IMPDH1: variants seen among roughly 807,000 people sequenced by gnomAD.
IMPDH1 encodes the protein inosine monophosphate dehydrogenase 1, also known as inosine-5'-monophosphate dehydrogenase 1.
In IMPDH1, 41 loss-of-function variants were observed where a neutral mutation model predicts 73.5. That is an observed-to-expected ratio of 0.56 (90% CI 0.43 to 0.72). IMPDH1 has a LOEUF of 0.72. Ranked by LOEUF, IMPDH1 falls within the 30% of genes least tolerant of loss-of-function variation. The probability of loss-of-function intolerance (pLI) is 0.00; values close to 1 mark genes in which losing one functional copy is unlikely to be tolerated. For missense variants in IMPDH1, 645 were observed against 824.8 expected (o/e 0.78, Z 2.67); for synonymous variants, 318 against 334.3 (o/e 0.95, Z 0.53).
rs749066302 is a variant in IMPDH1, at chr7:128,397,430, A to G, written c.1075-408T>C. Among the ~76,000 whole-genome samples, 156 of 152,168 alleles carry G rather than the reference A, an allele frequency of 1.0e-3. 3 individuals carry two copies. The highest frequency in any genetic ancestry group is 2.9e-4 in the Non-Finnish European group (20 of 68,020). The stretch of plus-strand genomic sequence containing the variant: ...ACTGTTCCTCAATGGACTGATATAC[A>G]TTAAGGTCTTGACGCAGTGCCTGGC... On this transcript the variant is annotated intron_variant, in intron 10 of 16. Coordinates refer to ENST00000338791, the MANE Select transcript of IMPDH1 (RefSeq NM_000883.4).
chr7:128,405,800 T>C lies in IMPDH1; in HGVS notation c.320A>G (p.Gln107Arg). The stretch of plus-strand genomic sequence containing the variant: ...GAGGCCGTCGGCGCTGGCGAAGAGC[T>C]GCTGCGCGGTGAGCCCATCCTCGGG... Reference protein sequence around the residue: ...YVPEDGLTAQQLFASADGLTY... With the variant: ...YVPEDGLTAQRLFASADGLTY... The change falls in exon 4 of 17, where the codon CAG becomes CGG. Residue 107 changes from glutamine to arginine, a missense_variant. Physicochemically the swap from Gln to Arg is conservative, Grantham distance 43. Around this residue, in one of 2 missense-constraint regions of IMPDH1, gnomAD observed 186 missense variants for 186.6 expected, o/e 1.00. Transcript: ENST00000338791. The C allele has an allele frequency of 6.5e-7, 1 of 1,542,700 alleles. No homozygotes were observed. Among genetic ancestry groups the C allele is most frequent in the Admixed American group, 2.0e-5 (1 of 50,854 alleles).
rs1799022974 is a variant in IMPDH1, at chr7:128,409,803, C to T, written c.99G>A (p.Ala33=). The T allele has an allele frequency of 6.7e-7, 1 of 1,501,656 alleles. No individual in the cohort carries two copies. Among genetic ancestry groups the T allele is most frequent in the Non-Finnish European group, 8.8e-7 (1 of 1,132,936 alleles). 93.0% of individuals were successfully genotyped at this position (1,501,656 alleles called of 1,614,324 possible). ...GCAGCAGTCGGGCGCTGTACCGCTG[C>T]GCCGCCGTCTCGTGTCCCGGGTGTT... is the stretch of plus-strand genomic sequence containing the variant. ...ARQHPGHETA[A]QRYSARLLQA... is the part of the protein sequence containing the mutation. Residue 33 remains alanine (A), a synonymous_variant, in exon 1 of 17, where the codon GCG becomes GCA. Coordinates refer to ENST00000338791, the MANE Select transcript of IMPDH1 (RefSeq NM_000883.4).
intron 3 of IMPDH1, among the ~76,000 whole-genome samples, chr7:128,406,876 C>G (rs1798813093): frequency 6.6e-6 from 1 of 152,138 alleles, no homozygotes; most frequent in Non-Finnish European, 1.5e-5. Context: ...AGTGTGCATA[C>G]AAATAAGAAC....
Position 128,395,381 on chromosome 7 carries a change from A to T in IMPDH1, c.1262-107T>A. 3 of 1,323,002 alleles carry T rather than the reference A, an allele frequency of 2.3e-6. No homozygotes were observed. The Admixed American group carries it at 5.2e-5, about 23-fold the overall frequency. The allele number at this position is 1,323,002 out of a possible 1,614,324, so 82.0% of individuals were successfully genotyped here. On this transcript the variant is annotated intron_variant, in intron 12 of 16. Coordinates refer to ENST00000338791, the MANE Select transcript of IMPDH1 (RefSeq NM_000883.4). ...TCCTGTGCACTACCTCTACTCAGGA[A>T]AAGGGACAGGGCTGGATGGTGTGTC...
chr7:128,398,402 C>T lies in IMPDH1; in HGVS notation c.1074+12G>A, dbSNP rs972741393. 9.3e-6 allele frequency: 15 copies of T among 1,607,930 alleles called. No homozygotes were observed. Among genetic ancestry groups the T allele is most frequent in the Admixed American group, 1.7e-5 (1 of 59,966 alleles). ...TCATCCATCTCCCCCACCACTCAGG[C>T]GGGGGCCTTACCAAGACTATGACGT... On this transcript the variant is annotated intron_variant, in intron 10 of 16. Coordinates refer to ENST00000338791, the MANE Select transcript of IMPDH1 (RefSeq NM_000883.4). The surrounding 1 kb of genome is among the most constrained non-coding windows in gnomAD (Gnocchi z 4.3).
At chr7:128,408,127 G>T (rs1005270176) in intron 3 of IMPDH1, among the ~76,000 whole-genome samples, 2 of 152,176 alleles carry the variant, frequency 1.3e-5, no homozygotes, top group African/African-American at 4.8e-5. Flanking sequence ...CGAAGCCGAG[G>T]AAGGGCTGTT....
Position 128,394,467 on chromosome 7 carries a change from C to T in IMPDH1, c.1683G>A (p.Leu561=). Residue 561 remains leucine (L), a synonymous_variant, in exon 15 of 17, where the codon CTG becomes CTA. Coordinates refer to ENST00000338791, the MANE Select transcript of IMPDH1 (RefSeq NM_000883.4). This position sits in a 1 kb window ranked among gnomAD's most constrained non-coding sequence, Gnocchi z 5.5. ...GTCTCAGCACTCACCGAAGGACAGA[C>T]AGGCTGCGGGCCCCGATATCCTGGC... The part of the protein sequence containing the change: ...HGCQDIGARS[L]SVLRSMMYSG... 6.2e-7 allele frequency: 1 copy of T among 1,614,144 alleles called. No individual in the cohort carries two copies. The highest frequency in any genetic ancestry group is 8.5e-7 in the Non-Finnish European group (1 of 1,180,026).
At chr7:128,397,984 G>A (rs1798046955) in intron 10 of IMPDH1, among the ~76,000 whole-genome samples, 1 of 152,136 alleles carries the variant, frequency 6.6e-6, no homozygotes, top group Non-Finnish European at 1.5e-5. Flanking sequence ...AGGGCATGCA[G>A]TATTTGGTTT....
At position 128,396,664 on chromosome 7, in the gene IMPDH1, A is replaced by G. The variant is rs1181171372; in HGVS notation, c.1197T>C (p.Ile399=). ...VVTAAQAKNL[I]DAGVDGLRVG... ...CGCGCAGCCCGTCCACACCAGCATC[A>G]ATCAGGTTCTTGGCCTGGGCTGCTG... Residue 399 remains isoleucine (I), a synonymous_variant, in exon 12 of 17, where the codon ATT becomes ATC. Coordinates refer to ENST00000338791, the MANE Select transcript of IMPDH1 (RefSeq NM_000883.4). This position sits in a 1 kb window ranked among gnomAD's most constrained non-coding sequence, Gnocchi z 4.0. The G allele has an allele frequency of 6.4e-7, 1 of 1,555,376 alleles. No homozygotes were observed. The highest frequency in any genetic ancestry group is 2.4e-5 in the East Asian group (1 of 41,426).
At position 128,399,419 on chromosome 7, in the gene IMPDH1, G is replaced by A. The variant is rs184270064; in HGVS notation, c.874+676C>T. On this transcript the variant is annotated intron_variant, in intron 9 of 16. Transcript: ENST00000338791. ...TGGCAGGGCATGGTGGTTCACGCCT[G>A]TAATTCCAGCACTTTGGGAGGCCCA... Among the ~76,000 whole-genome samples, 236 of 146,982 alleles carry A rather than the reference G, an allele frequency of 1.6e-3. 2 individuals carry two copies. The highest frequency in any genetic ancestry group is 0.01 in the Admixed American group (147 of 14,488).
Position 128,392,779 on chromosome 7 carries a change from C to T in IMPDH1, c.*228G>A, listed in dbSNP as rs72624976. On this transcript the variant is annotated 3_prime_UTR_variant, in exon 17 of 17. Transcript: ENST00000338791. ...GCCTGAGAGCCTGGCTGGCTGGGCT[C>T]GGAGGGGGGCTCCCAGGGCAGCCTG... is the stretch of plus-strand genomic sequence containing the variant. 0.026 allele frequency: 14,509 copies of T among 554,958 alleles called. 293 individuals are homozygous for T. The highest frequency in any genetic ancestry group is 0.038 in the Non-Finnish European group (11,665 of 309,526). The allele number at this position is 554,958 out of a possible 1,614,324, so 34.4% of individuals were successfully genotyped here. A position where few individuals can be genotyped will look rare whatever the true frequency, so the allele number is the denominator to read the frequency against.
Position 128,394,715 on chromosome 7 carries a change from T to C in IMPDH1, c.1551-116A>G. ...GAAGGTCCCCCAGGCCACCCCTCAC[T>C]GGGCTGAGTCAGATGGCCCAGGGAC... On this transcript the variant is annotated intron_variant, in intron 14 of 16. Transcript: ENST00000338791. This position sits in a 1 kb window ranked among gnomAD's most constrained non-coding sequence, Gnocchi z 5.5. The C allele has an allele frequency of 1.4e-6, 2 of 1,441,712 alleles. No homozygotes were observed. The highest frequency in any genetic ancestry group is 1.9e-6 in the Non-Finnish European group (2 of 1,041,958). 89.3% of individuals were successfully genotyped at this position (1,441,712 alleles called of 1,614,324 possible).
rs147491964 is a variant in IMPDH1, at chr7:128,397,003, G to C, written c.1094C>G (p.Ser365Trp). ...ATGCACCATGGCGATCTGATACACC[G>C]AATTCCCTTGGGACGAGTCCTGTGA... Reference protein sequence around the residue: ...VIVLDSSQGNSVYQIAMVHYI... With the variant: ...VIVLDSSQGNWVYQIAMVHYI... Residue 365 changes from serine (S) to tryptophan (W), a missense_variant, in exon 11 of 17, where the codon TCG becomes TGG. Around this residue, in one of 2 missense-constraint regions of IMPDH1, gnomAD observed 459 missense variants for 638.2 expected, o/e 0.72. Coordinates refer to ENST00000338791, the MANE Select transcript of IMPDH1 (RefSeq NM_000883.4). 2 of 1,613,570 alleles carry C rather than the reference G, an allele frequency of 1.2e-6. No individual in the cohort carries two copies.
intron 3 of IMPDH1, among the ~76,000 whole-genome samples, chr7:128,406,739 T>C (rs1798804777): frequency 3.9e-5 from 6 of 152,352 alleles, no homozygotes; most frequent in Admixed American, 3.9e-4. Flanking sequence ...GTGCTTCGGC[T>C]CACCGCCCTA....
rs903983036 is a variant in IMPDH1, at chr7:128,405,686, G to A, written c.353+81C>T. 4.7e-6 allele frequency: 7 copies of A among 1,477,202 alleles called. No individual in the cohort carries two copies. The African/African-American group carries it at 7.4e-5, about 16-fold the overall frequency. The allele number at this position is 1,477,202 out of a possible 1,614,324, so 91.5% of individuals were successfully genotyped here. On this transcript the variant is annotated intron_variant, in intron 4 of 16. Transcript: ENST00000338791. ...CTCGCACCGGGCAGGGAACGCCGGG[G>A]GAGCCGCGCACGTGCAGGGCCGGCC...
At chr7:128,400,953 G>GCA in intron 6 of IMPDH1, 62 bp from the exon 7 acceptor site, 1 of 1,596,848 alleles carries the variant, frequency 6.3e-7, no homozygotes, top group South Asian at 1.1e-5. Flanking sequence ...CTGCCCCTCA[G>GCA]CACAGCCCAC....
intron 5 of IMPDH1, among the ~76,000 whole-genome samples, 156 bp downstream of exon 5, chr7:128,403,548 ACT>A (rs1196611823): frequency 7.4e-6 from 1 of 135,260 alleles, no homozygotes; most frequent in Non-Finnish European, 1.5e-5. Context: ...ACAGAGCAAG[ACT>A]CTGTCTCCAA....
intron 4 of IMPDH1, among the ~76,000 whole-genome samples, chr7:128,405,170 G>A (rs1025935593): frequency 2.6e-5 from 4 of 152,254 alleles, no homozygotes; most frequent in South Asian, 4.1e-4. Flanking sequence ...GAGGCAGACG[G>A]GTGGGTCTGT....
chr7:128,394,191 C>A lies in IMPDH1; in HGVS notation c.1778+87G>T. 9.0e-7 allele frequency: 1 copy of A among 1,109,530 alleles called. No individual in the cohort carries two copies. Among genetic ancestry groups the A allele is most frequent in the East Asian group, 2.4e-5 (1 of 42,152 alleles). The allele number at this position is 1,109,530 out of a possible 1,614,324, so 68.7% of individuals were successfully genotyped here. ...CTGCTGCAGGTGGTCCATGGGGTCC[C>A]TGGAACCTCAGCTTGACCTCAGAAC... On this transcript the variant is annotated intron_variant, in intron 16 of 16. Transcript: ENST00000338791. This position sits in a 1 kb window ranked among gnomAD's most constrained non-coding sequence, Gnocchi z 5.5.
Sources: allele counts gnomAD v4.1 joint callset (sites outside exome capture counted in the v4.1 genomes callset), GRCh38; gene constraint gnomAD v4.1.1; regional missense constraint gnomAD v4.1.1; non-coding constraint Gnocchi (gnomAD v3.1); transcripts MANE v1.5; gene names NCBI Gene and HGNC (gene_info 2026-07-23, HGNC 2026-07-21).